LINGO2: variants seen among roughly 807,000 people sequenced by gnomAD.
LINGO2 encodes the protein leucine-rich repeat and immunoglobulin-like domain-containing nogo receptor-interacting protein 2.
Under a neutral mutation model 30.6 loss-of-function variants are expected in LINGO2, and 14 were observed. The ratio of observed to expected loss-of-function variants is 0.46; its 90% CI spans 0.30 to 0.72. The LOEUF is 0.72. Among genes scored for constraint, LINGO2 ranks in the 30% least tolerant of loss-of-function variants. The pLI is 0.07. For synonymous variants in LINGO2, 317 were observed against 288.5 expected, an observed-to-expected ratio of 1.10 and a Z score of -1.00; for missense variants, 729 against 751.7, an observed-to-expected ratio of 0.97 and a Z score of 0.35.
intron 3 of LINGO2, among the ~76,000 whole-genome samples, chr9:28,334,419 T>C (rs569532385): frequency 3.3e-5 from 5 of 152,232 alleles, no homozygotes; most frequent in Non-Finnish European, 5.9e-5. Flanking sequence ...TAGAAAAATA[T>C]CCACAACGTA....
At chr9:28,461,082 C>G (rs777728724) in intron 2 of LINGO2, among the ~76,000 whole-genome samples, 7 of 151,836 alleles carry the variant, frequency 4.6e-5, no homozygotes, top group Non-Finnish European at 8.8e-5. Flanking sequence ...TTTTTCTTTT[C>G]TTATATGAAG....
At chr9:28,797,235 A>G in the LINGO2 span, among the ~76,000 whole-genome samples, 1 of 150,592 alleles carries the variant, frequency 6.6e-6, no homozygotes, top group South Asian at 2.1e-4. Flanking sequence ...CTGGCAATAT[A>G]TGAACAGAAA....
At chr9:28,829,680 G>A in the LINGO2 span, among the ~76,000 whole-genome samples, 14 of 152,248 alleles carry the variant, frequency 9.2e-5, no homozygotes, top group Non-Finnish European at 7.4e-5. Flanking sequence ...CTGAGGTCAG[G>A]AATTCGAGAC....
chr9:28,017,805 T>C (rs1028485764), intron 4 of LINGO2, among the ~76,000 whole-genome samples: 3 of 152,158 alleles, frequency 2.0e-5, no homozygotes, highest in Non-Finnish European at 1.5e-5. Context: ...GATTCAATGC[T>C]ATTCCTATCA....
chr9:28,513,812 C>T (rs1302145005), intron 1 of LINGO2, among the ~76,000 whole-genome samples: 3 of 152,174 alleles, frequency 2.0e-5, no homozygotes, highest in Non-Finnish European at 4.4e-5. Context: ...TAAAAAAGGA[C>T]ATACCGACTT....
At chr9:28,444,489 A>G (rs150344020) in intron 2 of LINGO2, among the ~76,000 whole-genome samples, 1 of 152,256 alleles carries the variant, frequency 6.6e-6, no homozygotes, top group East Asian at 1.9e-4. Flanking sequence ...CCATCAACCC[A>G]TTCACCACGC....
chr9:28,696,152 A>G, the LINGO2 span, among the ~76,000 whole-genome samples: 3 of 152,058 alleles, frequency 2.0e-5, no homozygotes, highest in East Asian at 5.8e-4. Context: ...ATCCTAAGCT[A>G]CAAGAATATT....
At chr9:28,186,180 C>A (rs1394475153) in intron 4 of LINGO2, among the ~76,000 whole-genome samples, 1 of 152,106 alleles carries the variant, frequency 6.6e-6, no homozygotes. Context: ...TAACCTCATC[C>A]TATAGGGGGA....
intron 4 of LINGO2, among the ~76,000 whole-genome samples, chr9:28,159,745 T>C (rs1466761633): frequency 6.6e-6 from 1 of 152,188 alleles, no homozygotes; most frequent in Non-Finnish European, 1.5e-5. Context: ...AAGAGCCAAA[T>C]GGCATGTTTT....
chr9:28,935,106 T>C, the LINGO2 span, among the ~76,000 whole-genome samples: 1 of 150,676 alleles, frequency 6.6e-6, no homozygotes, highest in African/African-American at 2.4e-5. Context: ...TCACAAAAAA[T>C]ACAAAAAAAA....
chr9:28,406,034 C>G (rs985091993), intron 2 of LINGO2, among the ~76,000 whole-genome samples: 1 of 152,148 alleles, frequency 6.6e-6, no homozygotes, highest in Non-Finnish European at 1.5e-5. Context: ...CCTGCACTAC[C>G]AATGCATTCA....
chr9:29,185,314 A>C, the LINGO2 span, among the ~76,000 whole-genome samples: 1 of 152,142 alleles, frequency 6.6e-6, no homozygotes, highest in Non-Finnish European at 1.5e-5. Flanking sequence ...AAGGGGTGGG[A>C]AATAATTCCA....
chr9:28,022,133 T>G (rs12336668), intron 4 of LINGO2, among the ~76,000 whole-genome samples: 6,624 of 152,156 alleles, frequency 0.044, 248 homozygotes, highest in African/African-American at 0.096. Flanking sequence ...TATTAAATTT[T>G]ATTAAAAATT....
the LINGO2 span, among the ~76,000 whole-genome samples, chr9:28,738,130 A>G: frequency 3.9e-5 from 6 of 152,128 alleles, no homozygotes; most frequent in Non-Finnish European, 8.8e-5. Flanking sequence ...TAGTGTCCAG[A>G]GAGGACAAGA....
At chr9:28,850,521 G>A in the LINGO2 span, among the ~76,000 whole-genome samples, 1 of 151,804 alleles carries the variant, frequency 6.6e-6, no homozygotes, top group Admixed American at 6.6e-5. Context: ...CATGAACTAT[G>A]GACAAAAAAG....
At chr9:28,183,239 G>A (rs1228016480) in intron 4 of LINGO2, among the ~76,000 whole-genome samples, 1 of 151,976 alleles carries the variant, frequency 6.6e-6, no homozygotes, top group East Asian at 1.9e-4. Context: ...TCACTCATAA[G>A]TGGGAGTTGA....
chr9:28,016,824 C>T (rs1485502012), intron 4 of LINGO2, among the ~76,000 whole-genome samples: 1 of 146,134 alleles, frequency 6.8e-6, no homozygotes, highest in East Asian at 1.9e-4. Context: ...GGAAGGACTT[C>T]TCCTCGACTC....
chr9:29,147,424 A>G, the LINGO2 span, among the ~76,000 whole-genome samples: 2 of 152,126 alleles, frequency 1.3e-5, no homozygotes, highest in Non-Finnish European at 2.9e-5. Flanking sequence ...ATTAGCACAC[A>G]AATTTAGGAA....
chr9:28,961,030 TTATGCTCATGTATATTTCTGA>T, the LINGO2 span, among the ~76,000 whole-genome samples: 3 of 152,128 alleles, frequency 2.0e-5, no homozygotes, highest in Non-Finnish European at 4.4e-5. Flanking sequence ...CAGAAAATGG[TTATGCTCATGTATATTTCTGA>T]TATGCTCATG....
Sources: gnomAD v4.1 joint callset for allele counts (sites outside exome capture counted in the v4.1 genomes callset) on GRCh38, gnomAD v4.1.1 for gene constraint, MANE v1.5 for transcripts, NCBI Gene and HGNC (gene_info 2026-07-23, HGNC 2026-07-21) for gene names.